The following NSD1 variants were observed in gnomAD, a reference collection of about 807,000 sequenced individuals.
The protein encoded by NSD1 is nuclear receptor binding SET domain protein 1.
In NSD1, 26 loss-of-function variants were observed where a neutral mutation model predicts 242.7. That is an observed-to-expected ratio of 0.11 (90% CI 0.08 to 0.15). The LOEUF (loss-of-function observed/expected upper bound fraction) is 0.15, where lower values mean the gene tolerates loss of function less well. Ranked by LOEUF, NSD1 falls within the 10% of genes least tolerant of loss-of-function variation. The pLI, the probability that NSD1 is intolerant of heterozygous loss-of-function variation, is 1.00. For synonymous variants in NSD1, 1,106 were observed against 1,178.1 expected (o/e 0.94, Z 1.25); for missense variants, 2,495 against 3,272.8 (o/e 0.76, Z 5.80).
chr5:177,272,196 C>T (rs899237625), intron 16 of NSD1, among the ~76,000 whole-genome samples: 13 of 130,284 alleles, frequency 1.0e-4, no homozygotes, highest in African/African-American at 3.7e-4. Flanking sequence ...GTGAATTGTT[C>T]ATGGGGATGG....
chr5:177,243,787 A>G (rs1766072992), intron 8 of NSD1, among the ~76,000 whole-genome samples: 1 of 151,556 alleles, frequency 6.6e-6, no homozygotes, highest in Non-Finnish European at 1.5e-5. Flanking sequence ...CTGCCTCTCC[A>G]AGTTCAAGCA....
At position 177,232,877 on chromosome 5, in the gene NSD1, G is replaced by A. The variant is rs539302850; in HGVS notation, c.3797-2944G>A. Among the ~76,000 whole-genome samples the A allele has an allele frequency of 4.9e-4, 75 of 152,324 alleles. 1 individual carries two copies. Among genetic ancestry groups the A allele is most frequent in the African/African-American group, 1.8e-3 (74 of 41,570 alleles). On this transcript the variant is annotated intron_variant, in intron 5 of 22. Transcript: ENST00000439151. Reference sequence around the variant, plus strand: ...TTGGAGAAACTAGACAGTGGTGTAAGTGTGAAACATCTTTCAGAAGAGTAT... The same window carrying A: ...TTGGAGAAACTAGACAGTGGTGTAAATGTGAAACATCTTTCAGAAGAGTAT...
intron 3 of NSD1, among the ~76,000 whole-genome samples, chr5:177,203,227 CTTTTGTGACACT>C (rs1762634473): frequency 6.6e-6 from 1 of 151,870 alleles, no homozygotes; most frequent in Non-Finnish European, 1.5e-5. Flanking sequence ...TCCTGACTTT[CTTTTGTGACACT>C]TTTTAGTGTA....
Position 177,238,834 on chromosome 5 carries a change from C to T in NSD1, c.4192+327C>T, listed in dbSNP as rs925706854. ...GCACATTAGTGGAATAAGCACTATG[C>T]TTCAAGTGCTGGCTCCACCAATCCT... On this transcript the variant is annotated intron_variant, in intron 7 of 22. Transcript: ENST00000439151. This position sits in a 1 kb window ranked among gnomAD's most constrained non-coding sequence, Gnocchi z 4.6. 6.6e-6 allele frequency among the ~76,000 whole-genome samples: 1 copy of T among 152,222 alleles called. No individual in the cohort carries two copies. Among genetic ancestry groups the T allele is most frequent in the African/African-American group, 2.4e-5 (1 of 41,458 alleles).
At chr5:177,180,387 T>C (rs1760559730) in intron 2 of NSD1, among the ~76,000 whole-genome samples, 1 of 152,096 alleles carries the variant, frequency 6.6e-6, no homozygotes, top group Non-Finnish European at 1.5e-5. Context: ...ATTACAGGCA[T>C]GAGCCACTGC....
chr5:177,252,232 G>A lies in NSD1; in HGVS notation c.4765+379G>A, dbSNP rs140399076. 1.4e-3 allele frequency among the ~76,000 whole-genome samples: 208 copies of A among 152,244 alleles called. 3 individuals are homozygous for A. The highest frequency in any genetic ancestry group is 9.8e-3 in the Admixed American group (149 of 15,282). On this transcript the variant is annotated intron_variant, in intron 12 of 22. Coordinates refer to ENST00000439151, the MANE Select transcript of NSD1 (RefSeq NM_022455.5). Reference sequence around the variant, plus strand: ...GGGAATATGGAATACAGGCCAATGTGTTTATAGAGTTTAGGATATTTTAGG... The same window carrying A: ...GGGAATATGGAATACAGGCCAATGTATTTATAGAGTTTAGGATATTTTAGG...
intron 2 of NSD1, among the ~76,000 whole-genome samples, chr5:177,148,119 G>GTT (rs34316882): frequency 6.8e-6 from 1 of 147,242 alleles, no homozygotes. Flanking sequence ...GGCATGTTAA[G>GTT]TTTTTTTTTT....
intron 2 of NSD1, among the ~76,000 whole-genome samples, chr5:177,136,645 A>C (rs1335066631): frequency 6.7e-6 from 1 of 148,568 alleles, no homozygotes; most frequent in Non-Finnish European, 1.5e-5. Context: ...CTCTGTTGCC[A>C]GGCTGGAGTG....
Position 177,280,973 on chromosome 5 carries a change from C to T in NSD1, c.5892+139C>T. 4.1e-6 allele frequency: 4 copies of T among 977,370 alleles called. No homozygotes were observed. The South Asian group carries it at 4.9e-5, about 12-fold the overall frequency. 60.5% of individuals were successfully genotyped at this position (977,370 alleles called of 1,614,324 possible). Reference sequence around the variant, plus strand: ...CCTTATTGTTGTGTCTTGCCATATCCTTCTACCGTTTAGAGGCTTACGAAT... The same window carrying T: ...CCTTATTGTTGTGTCTTGCCATATCTTTCTACCGTTTAGAGGCTTACGAAT... On this transcript the variant is annotated intron_variant, in intron 18 of 22. Transcript: ENST00000439151.
At chr5:177,179,848 T>A (rs538694822) in intron 2 of NSD1, among the ~76,000 whole-genome samples, 1 of 152,326 alleles carries the variant, frequency 6.6e-6, no homozygotes, top group African/African-American at 2.4e-5. Context: ...CAGGTATGTC[T>A]GGGCTATTAA....
At chr5:177,167,870 G>A (rs1471066997) in intron 2 of NSD1, among the ~76,000 whole-genome samples, 2 of 152,166 alleles carry the variant, frequency 1.3e-5, no homozygotes, top group Non-Finnish European at 2.9e-5. Context: ...GAGTTGAGGA[G>A]CATCTGTATT....
intron 4 of NSD1, among the ~76,000 whole-genome samples, chr5:177,209,255 C>T (rs529315209): frequency 2.0e-5 from 3 of 151,536 alleles, no homozygotes; most frequent in East Asian, 2.0e-4. Context: ...AGGCCGGGTG[C>T]GGTGGCTCAT....
chr5:177,250,900 A>C (rs1755892612), intron 11 of NSD1, among the ~76,000 whole-genome samples: 2 of 152,168 alleles, frequency 1.3e-5, no homozygotes, highest in South Asian at 4.1e-4. Flanking sequence ...CAAGGCTTTA[A>C]AAATATTTGG....
At chr5:177,256,348 A>G (rs1756461564) in intron 12 of NSD1, among the ~76,000 whole-genome samples, 1 of 128,996 alleles carries the variant, frequency 7.8e-6, no homozygotes, top group Non-Finnish European at 1.5e-5. Flanking sequence ...CACTGGTGTG[A>G]TCTCAGCTCA....
intron 2 of NSD1, among the ~76,000 whole-genome samples, chr5:177,169,005 G>A (rs1015144376): frequency 7.2e-5 from 11 of 152,190 alleles, no homozygotes; most frequent in Non-Finnish European, 5.9e-5. Flanking sequence ...GCATTGTCAT[G>A]AATAATTGGG....
intron 2 of NSD1, among the ~76,000 whole-genome samples, chr5:177,159,839 T>G (rs1194479947): frequency 6.6e-6 from 1 of 152,092 alleles, no homozygotes; most frequent in Admixed American, 6.6e-5. Context: ...TCCGCCTGCC[T>G]CGGCCTCCCA....
At chr5:177,174,409 C>T (rs936467513) in intron 2 of NSD1, among the ~76,000 whole-genome samples, 33 of 152,060 alleles carry the variant, frequency 2.2e-4, no homozygotes, top group African/African-American at 7.5e-4. Context: ...GACAGGGCTT[C>T]GCCATGTTGG....
At chr5:177,232,659 T>G (rs937110577) in intron 5 of NSD1, among the ~76,000 whole-genome samples, 1 of 152,246 alleles carries the variant, frequency 6.6e-6, no homozygotes, top group African/African-American at 2.4e-5. Flanking sequence ...CAGAAAGTTT[T>G]CCAAAATAAC....
chr5:177,192,132 G>T, intron 3 of NSD1, 113 bp downstream of exon 3: 1 of 911,744 alleles, frequency 1.1e-6, no homozygotes, highest in Non-Finnish European at 1.6e-6. Flanking sequence ...TGAATGAATT[G>T]GTGTTACATA....
Sources: allele counts gnomAD v4.1 joint callset (sites outside exome capture counted in the v4.1 genomes callset), GRCh38; gene constraint gnomAD v4.1.1; non-coding constraint Gnocchi (gnomAD v3.1); transcripts MANE v1.5; gene names NCBI Gene and HGNC (gene_info 2026-07-23, HGNC 2026-07-21).